Variants in PDE8B observed in about 807,000 individuals in gnomAD.
PDE8B encodes the protein phosphodiesterase 8B.
PDE8B carries 26 observed loss-of-function variants against 101.3 expected under a neutral mutation model. That is an observed-to-expected ratio of 0.26 (90% CI 0.19 to 0.36). The LOEUF is 0.36. Ranked by LOEUF, PDE8B falls within the 10% of genes least tolerant of loss-of-function variation. The probability of loss-of-function intolerance (pLI) is 1.00; values close to 1 mark genes in which losing one functional copy is unlikely to be tolerated. For synonymous variants in PDE8B, 424 were observed against 429.3 expected (o/e 0.99, Z 0.15); for missense variants, 810 against 1,163.1 (o/e 0.70, Z 4.42).
chr5:77,129,713 A>AT, the PDE8B span, among the ~76,000 whole-genome samples: 1 of 152,062 alleles, frequency 6.6e-6, no homozygotes, highest in East Asian at 1.9e-4. Context: ...AATATCATTC[A>AT]TTTTTCTTGG....
chr5:77,111,412 A>G, the PDE8B span, among the ~76,000 whole-genome samples: 1 of 152,200 alleles, frequency 6.6e-6, no homozygotes, highest in Non-Finnish European at 1.5e-5. Flanking sequence ...AAAGTCTGAT[A>G]TCTGTGGAAG....
chr5:77,267,081 T>A (rs914807976), intron 1 of PDE8B, among the ~76,000 whole-genome samples: 11 of 152,126 alleles, frequency 7.2e-5, no homozygotes, highest in African/African-American at 2.7e-4. Context: ...TTAAGGCTTA[T>A]TTGTTGCTCA....
At chr5:77,352,119 A>C (rs1319336481) in intron 9 of PDE8B, among the ~76,000 whole-genome samples, 1 of 151,930 alleles carries the variant, frequency 6.6e-6, no homozygotes, top group Non-Finnish European at 1.5e-5. Flanking sequence ...TTTTTGCTTC[A>C]CTCTGGATGA....
chr5:77,177,304 G>C, the PDE8B span, among the ~76,000 whole-genome samples: 1 of 152,196 alleles, frequency 6.6e-6, no homozygotes, highest in Non-Finnish European at 1.5e-5. Flanking sequence ...CCCAGTGGCT[G>C]CCTGGAACCA....
In PDE8B at chr5:77,427,953, T is replaced by G. The variant is rs1365873668; in HGVS notation, c.*1399T>G. On this transcript the variant is annotated 3_prime_UTR_variant, in exon 22 of 22. Coordinates refer to ENST00000264917, the MANE Select transcript of PDE8B (RefSeq NM_003719.5). ...ATTGGAATGCAGAATACTTGGAACT[T>G]GTACATGGGGAAAAAATGACTTATC... 1 of 152,230 alleles carries G rather than the reference T, an allele frequency of 6.6e-6. No individual in the cohort carries two copies. The highest frequency in any genetic ancestry group is 2.1e-4 in the South Asian group (1 of 4,836). 9.4% of individuals were successfully genotyped at this position (152,230 alleles called of 1,614,324 possible).
intron 10 of PDE8B, among the ~76,000 whole-genome samples, chr5:77,389,462 A>G (rs1461340869): frequency 1.3e-5 from 2 of 151,924 alleles, no homozygotes; most frequent in Admixed American, 6.5e-5. Flanking sequence ...TACAGAATTC[A>G]CCTGCCTTCT....
chr5:77,238,787 C>T (rs956006937), intron 1 of PDE8B, among the ~76,000 whole-genome samples: 9 of 152,132 alleles, frequency 5.9e-5, no homozygotes, highest in African/African-American at 1.7e-4. Context: ...TAGTACGAGT[C>T]CAAAGGCCAG....
At chr5:77,338,744 C>A (rs911316411) in intron 6 of PDE8B, among the ~76,000 whole-genome samples, 2 of 152,134 alleles carry the variant, frequency 1.3e-5, no homozygotes, top group African/African-American at 4.8e-5. Flanking sequence ...GATGTTTACA[C>A]AATAAATAGA....
intron 2 of PDE8B, among the ~76,000 whole-genome samples, chr5:77,318,899 C>A (rs938586120): frequency 3.3e-5 from 5 of 152,182 alleles, no homozygotes; most frequent in Admixed American, 2.0e-4. Context: ...CATAGATACA[C>A]CCTCATTTAG....
intron 14 of PDE8B, chr5:77,410,619 G>A (rs991145465): frequency 1.3e-5 from 2 of 152,200 alleles, no homozygotes; most frequent in African/African-American, 4.8e-5. Flanking sequence ...AGCGGAGCGA[G>A]AGAAGAGCAA....
chr5:77,295,537 T>C (rs1317715524), intron 1 of PDE8B, among the ~76,000 whole-genome samples: 2 of 152,198 alleles, frequency 1.3e-5, no homozygotes, highest in African/African-American at 4.8e-5. Context: ...ATTTGGCTTG[T>C]GATTATTTCA....
chr5:77,130,749 T>G, the PDE8B span, among the ~76,000 whole-genome samples: 1 of 152,132 alleles, frequency 6.6e-6, no homozygotes, highest in Non-Finnish European at 1.5e-5. Context: ...TTTACATGAG[T>G]TGGGTTACGT....
At chr5:77,312,911 A>G (rs563116956) in intron 2 of PDE8B, among the ~76,000 whole-genome samples, 19 of 152,336 alleles carry the variant, frequency 1.2e-4, no homozygotes, top group Non-Finnish European at 8.8e-5. Context: ...AACCACCTGT[A>G]GGACTGACTT....
the PDE8B span, among the ~76,000 whole-genome samples, chr5:77,101,127 G>A: frequency 8.1e-5 from 12 of 148,812 alleles, no homozygotes; most frequent in African/African-American, 2.7e-4. Flanking sequence ...GCATCACCAC[G>A]CCTGCCTGTT....
At chr5:77,289,923 C>T (rs1766887819) in intron 1 of PDE8B, among the ~76,000 whole-genome samples, 1 of 152,158 alleles carries the variant, frequency 6.6e-6, no homozygotes, top group African/African-American at 2.4e-5. Context: ...GCTGTGATGA[C>T]CCAGCTTATT....
chr5:77,351,766 C>A (rs1171563114), intron 9 of PDE8B, among the ~76,000 whole-genome samples: 1 of 152,090 alleles, frequency 6.6e-6, no homozygotes, highest in Non-Finnish European at 1.5e-5. Flanking sequence ...AACCATACAT[C>A]ATGGTGAGCC....
intron 1 of PDE8B, among the ~76,000 whole-genome samples, chr5:77,297,527 T>G (rs367704184): frequency 6.6e-6 from 1 of 152,294 alleles, no homozygotes; most frequent in Non-Finnish European, 1.5e-5. Flanking sequence ...ATGCTGCTGG[T>G]TCAGGGACCA....
chr5:77,395,093 G>A (rs1790712505), intron 10 of PDE8B, among the ~76,000 whole-genome samples: 1 of 152,026 alleles, frequency 6.6e-6, no homozygotes, highest in Non-Finnish European at 1.5e-5. Context: ...TAAGAACTTT[G>A]TTTGAACCCT....
intron 17 of PDE8B, among the ~76,000 whole-genome samples, chr5:77,416,174 G>A (rs1795515877): frequency 6.6e-6 from 1 of 152,204 alleles, no homozygotes; most frequent in Non-Finnish European, 1.5e-5. Flanking sequence ...TGGTATCTTT[G>A]TAAGTCACTG....
Sources: allele counts gnomAD v4.1 joint callset (sites outside exome capture counted in the v4.1 genomes callset), GRCh38; gene constraint gnomAD v4.1.1; transcripts MANE v1.5; gene names NCBI Gene and HGNC (gene_info 2026-07-23, HGNC 2026-07-21).